Variants in AFF4 observed in about 807,000 individuals in gnomAD.
AFF4 encodes the protein AF4/FMR2 family member 4.
AFF4 carries 13 observed loss-of-function variants against 124.8 expected under a neutral mutation model. The observed-to-expected ratio is 0.10, with a 90% CI of 0.07 to 0.17. AFF4 has a LOEUF of 0.17. Ranked by LOEUF, AFF4 falls within the 10% of genes least tolerant of loss-of-function variation. The pLI is 1.00. For missense variants in AFF4, 1,092 were observed against 1,403.8 expected, an observed-to-expected ratio of 0.78 and a Z score of 3.55; for synonymous variants, 477 against 496.1, an observed-to-expected ratio of 0.96 and a Z score of 0.51.
intron 5 of AFF4, among the ~76,000 whole-genome samples, chr5:132,916,236 C>A (rs1760906462): frequency 1.5e-5 from 1 of 67,146 alleles, no homozygotes; most frequent in Non-Finnish European, 2.6e-5. Flanking sequence ...AAGATGCTGT[C>A]TCAAAAAAAA....
Position 132,892,901 on chromosome 5 carries a change from G to A in AFF4, c.2396+129C>T, listed in dbSNP as rs1286252584. The A allele has an allele frequency of 8.6e-6, 7 of 813,312 alleles. No homozygotes were observed. The African/African-American group carries it at 1.0e-4, about 12-fold the overall frequency. 50.4% of individuals were successfully genotyped at this position (813,312 alleles called of 1,614,324 possible). ...TGAAAGCTCCCACTATTTGGCATATGTTATGTGTATGCATTTATATAACAC... is the reference window on the plus strand; with the variant it reads ...TGAAAGCTCCCACTATTTGGCATATATTATGTGTATGCATTTATATAACAC... On this transcript the variant is annotated intron_variant, in intron 12 of 20. Transcript: ENST00000265343.
At position 132,878,345 on chromosome 5, in the gene AFF4, G is replaced by C; in HGVS notation, c.*2714C>G. The C allele has an allele frequency of 4.3e-6, 1 of 230,662 alleles. No homozygotes were observed. Among genetic ancestry groups the C allele is most frequent in the East Asian group, 6.2e-5 (1 of 16,254 alleles). The allele number at this position is 230,662 out of a possible 1,614,324, so 14.3% of individuals were successfully genotyped here. On this transcript the variant is annotated 3_prime_UTR_variant, in exon 21 of 21. Coordinates refer to ENST00000265343, the MANE Select transcript of AFF4 (RefSeq NM_014423.4). The stretch of plus-strand genomic sequence containing the variant: ...GTGTAGTCATAAAGAGCAGTCAACA[G>C]AGTAACTGTTTAAAATAGTTGTTGT...
At chr5:132,959,757 CTTTTTT>C (rs1163731664) in intron 1 of AFF4, among the ~76,000 whole-genome samples, 35 of 71,504 alleles carry the variant, frequency 4.9e-4, no homozygotes, top group East Asian at 2.0e-3. Flanking sequence ...GAGTGCTTTT[CTTTTTT>C]TTTTTTTTTT....
At chr5:132,895,092 AT>A (rs1463467364) in intron 11 of AFF4, among the ~76,000 whole-genome samples, 2 of 152,182 alleles carry the variant, frequency 1.3e-5, no homozygotes, top group African/African-American at 4.8e-5. Context: ...CTTATTCCAC[AT>A]TATTCTATGA....
At chr5:132,909,563 A>T (rs1760746476) in intron 5 of AFF4, among the ~76,000 whole-genome samples, 1 of 152,134 alleles carries the variant, frequency 6.6e-6, no homozygotes, top group Non-Finnish European at 1.5e-5. Context: ...TCTGTGTGTG[A>T]GATAGAGAGA....
At chr5:132,932,977 A>G (rs1446785436) in intron 3 of AFF4, among the ~76,000 whole-genome samples, 1 of 152,220 alleles carries the variant, frequency 6.6e-6, no homozygotes, top group African/African-American at 2.4e-5. Flanking sequence ...GATGTTTTAA[A>G]TGTTTGCAAA....
chr5:132,882,999 T>C (rs886842102), intron 20 of AFF4, among the ~76,000 whole-genome samples: 1 of 152,220 alleles, frequency 6.6e-6, no homozygotes, highest in Non-Finnish European at 1.5e-5. Context: ...TGTAATCTTA[T>C]GCCTATTGCC....
At chr5:132,924,490 T>C (rs542367512) in intron 5 of AFF4, among the ~76,000 whole-genome samples, 1 of 151,906 alleles carries the variant, frequency 6.6e-6, no homozygotes, top group South Asian at 2.1e-4. Context: ...ATGAAGAAAT[T>C]TGGGGGTGAT....
At chr5:132,938,454 C>T (rs1761484733) in intron 1 of AFF4, among the ~76,000 whole-genome samples, 1 of 151,494 alleles carries the variant, frequency 6.6e-6, no homozygotes, top group Non-Finnish European at 1.5e-5. Context: ...TTAGTAGAGA[C>T]AGGATTTCAC....
In AFF4 at chr5:132,963,537, C is replaced by T. The variant is rs897525457; in HGVS notation, c.-283G>A. On this transcript the variant is annotated 5_prime_UTR_variant, in exon 1 of 21. Transcript: ENST00000265343. ...GGGCTGGGACAGCTGACTGAGGCGG[C>T]GGGGGCGGGTTAACGAAGACCTGGC... 4 of 397,984 alleles carry T rather than the reference C, an allele frequency of 1.0e-5. No individual in the cohort carries two copies. In the East Asian group the frequency reaches 1.1e-4, roughly 11 times the overall value. 24.7% of individuals were successfully genotyped at this position (397,984 alleles called of 1,614,324 possible).
At chr5:132,961,819 C>T (rs935706676) in intron 1 of AFF4, among the ~76,000 whole-genome samples, 24 of 152,044 alleles carry the variant, frequency 1.6e-4, no homozygotes, top group African/African-American at 5.8e-4. Context: ...ATCAAAGTAC[C>T]AGCCTGCAAA....
intron 13 of AFF4, chr5:132,891,814 TTTAAA>T: frequency 3.2e-6 from 1 of 308,800 alleles, no homozygotes; most frequent in Admixed American, 4.6e-5. Flanking sequence ...TTTTTTTTTT[TTTAAA>T]TTTTAAAGTT....
At position 132,875,926 on chromosome 5, in the gene AFF4, C is replaced by G. The variant is rs924237434; in HGVS notation, c.*5133G>C. 2 of 226,716 alleles carry G rather than the reference C, an allele frequency of 8.8e-6. No individual in the cohort carries two copies. The highest frequency in any genetic ancestry group is 1.8e-5 in the Non-Finnish European group (2 of 113,866). The allele number at this position is 226,716 out of a possible 1,614,324, so 14.0% of individuals were successfully genotyped here. On this transcript the variant is annotated 3_prime_UTR_variant, in exon 21 of 21. Transcript: ENST00000265343. ...TAACAGTACCTTTCTGCAAAATCAA[C>G]AGGCTTTTAATTTATCAGTGACATT...
At chr5:132,922,541 G>A (rs1487239083) in intron 5 of AFF4, among the ~76,000 whole-genome samples, 1 of 152,118 alleles carries the variant, frequency 6.6e-6, no homozygotes, top group Non-Finnish European at 1.5e-5. Context: ...CAGCACTTTG[G>A]GAGGCCGAGG....
At chr5:132,948,120 G>A (rs962921037) in intron 1 of AFF4, among the ~76,000 whole-genome samples, 20 of 151,700 alleles carry the variant, frequency 1.3e-4, no homozygotes, top group African/African-American at 4.6e-4. Flanking sequence ...GCACGATCTC[G>A]GCTCACTGCA....
intron 5 of AFF4, among the ~76,000 whole-genome samples, chr5:132,919,076 C>CG (rs1561494921): frequency 6.6e-6 from 1 of 151,912 alleles, no homozygotes; most frequent in African/African-American, 2.4e-5. Flanking sequence ...TTAGTAGAGA[C>CG]GGGGTTTCAC....
chr5:132,886,947 T>TA (rs1760134267), intron 17 of AFF4, among the ~76,000 whole-genome samples: 1 of 152,214 alleles, frequency 6.6e-6, no homozygotes, highest in Non-Finnish European at 1.5e-5. Flanking sequence ...CCTCTACTGT[T>TA]ACAGTTACAT....
At position 132,963,255 on chromosome 5, in the gene AFF4, T is replaced by C; in HGVS notation, c.-5+4A>G. The C allele has an allele frequency of 2.5e-6, 1 of 393,092 alleles. No homozygotes were observed. Among genetic ancestry groups the C allele is most frequent in the Non-Finnish European group, 4.5e-6 (1 of 222,910 alleles). 24.4% of individuals were successfully genotyped at this position (393,092 alleles called of 1,614,324 possible). A position where few individuals can be genotyped will look rare whatever the true frequency, so the allele number is the denominator to read the frequency against. ...CCCTGGGTCAGTCTGTCGGCCCTTC[T>C]TACCTCCAGTCCCGGCTCCGCTAGG... On this transcript the variant is annotated splice_donor_region_variant and intron_variant, in intron 1 of 20. Coordinates refer to ENST00000265343, the MANE Select transcript of AFF4 (RefSeq NM_014423.4).
rs1761371453 is a variant in AFF4, at chr5:132,934,395, A to G, written c.670T>C (p.Ser224Pro). ...RDPDANWDSPSRVPFSSGQHS... is the reference protein window; with the variant it reads ...RDPDANWDSPPRVPFSSGQHS... ...TGCCCACTTGAAAAAGGTACACGGG[A>G]AGGAGAATCCCAGTTTGCATCAGGG... is the stretch of plus-strand genomic sequence containing the variant. Residue 224 changes from serine (S) to proline (P), a missense_variant, in exon 3 of 21, where the codon TCC becomes CCC. Ser to Pro is a moderately conservative substitution (Grantham distance 74). Coordinates refer to ENST00000265343, the MANE Select transcript of AFF4 (RefSeq NM_014423.4). 6.2e-7 allele frequency: 1 copy of G among 1,614,030 alleles called. No homozygotes were observed. Among genetic ancestry groups the G allele is most frequent in the Admixed American group, 1.7e-5 (1 of 59,992 alleles).
Sources: allele counts gnomAD v4.1 joint callset (sites outside exome capture counted in the v4.1 genomes callset), GRCh38; gene constraint gnomAD v4.1.1; transcripts MANE v1.5; gene names NCBI Gene and HGNC (gene_info 2026-07-23, HGNC 2026-07-21).